HYAL4: variants seen among roughly 807,000 people sequenced by gnomAD.
HYAL4 encodes hyaluronidase 4.
A neutral mutation model predicts 35.2 loss-of-function variants in HYAL4; 37 were observed. That is an observed-to-expected ratio of 1.05 (90% CI 0.81 to 1.38). The LOEUF (loss-of-function observed/expected upper bound fraction) is 1.38, where lower values mean the gene tolerates loss of function less well. HYAL4 is among the 40% of genes most tolerant of loss of function. The probability of loss-of-function intolerance (pLI) is 0.00; values close to 1 mark genes in which losing one functional copy is unlikely to be tolerated. For synonymous variants in HYAL4, 198 were observed against 203.2 expected (o/e 0.97, Z 0.22); for missense variants, 572 against 572.4 (o/e 1.00, Z 0.01).
At chr7:123,852,117 C>G (rs1044804109) in intron 2 of HYAL4, among the ~76,000 whole-genome samples, 2 of 151,944 alleles carry the variant, frequency 1.3e-5, no homozygotes, top group African/African-American at 4.8e-5. Flanking sequence ...TTGTTAAGTT[C>G]CTTGTAGATT....
the HYAL4 span, among the ~76,000 whole-genome samples, chr7:123,767,567 A>C: frequency 4.6e-5 from 7 of 152,220 alleles, no homozygotes; most frequent in Non-Finnish European, 8.8e-5. Flanking sequence ...AAAACAAACA[A>C]GCAAAACAGG....
At chr7:123,780,437 G>C in the HYAL4 span, among the ~76,000 whole-genome samples, 2 of 152,170 alleles carry the variant, frequency 1.3e-5, no homozygotes, top group Non-Finnish European at 2.9e-5. Flanking sequence ...GTACAGAAAA[G>C]ACTGACACAT....
intron 4 of HYAL4, 83 bp downstream of exon 4, chr7:123,874,933 T>C (rs1263252553): frequency 5.1e-6 from 4 of 779,088 alleles, no homozygotes; most frequent in African/African-American, 3.4e-5. Context: ...ATGACCTCCA[T>C]AGCAAACCAG....
At chr7:123,785,287 A>G in the HYAL4 span, among the ~76,000 whole-genome samples, 2 of 152,034 alleles carry the variant, frequency 1.3e-5, no homozygotes, top group African/African-American at 2.4e-5. The surrounding 1 kb of genome is among the most constrained non-coding windows in gnomAD (Gnocchi z 4.5). Flanking sequence ...ATGTCTCCCT[A>G]TGTTGCCCAG....
chr7:123,823,742 T>TAC, the HYAL4 span, among the ~76,000 whole-genome samples: 153 of 144,388 alleles, frequency 1.1e-3, no homozygotes, highest in East Asian at 1.4e-3. Context: ...TATATATATA[T>TAC]ATACACACAC....
Position 123,869,014 on chromosome 7 carries a change from G to A in HYAL4, c.741G>A (p.Glu247=), listed in dbSNP as rs1199580238. 6.2e-7 allele frequency: 1 copy of A among 1,613,940 alleles called. No homozygotes were observed. Among genetic ancestry groups the A allele is most frequent in the East Asian group, 2.2e-5 (1 of 44,886 alleles). ...AAGACGAAGTCTTGAGGAACAATGA[G>A]CTCTCTTGGCTCTGGAACAGCAGTG... The part of the protein sequence containing the change: ...CPEDEVLRNN[E]LSWLWNSSAA... The change falls in exon 3 of 5, where the codon GAG becomes GAA. Residue 247 remains glutamate (E), a synonymous_variant. Transcript: ENST00000223026.
chr7:123,822,878 T>C, the HYAL4 span, among the ~76,000 whole-genome samples: 1 of 152,188 alleles, frequency 6.6e-6, no homozygotes, highest in African/African-American at 2.4e-5. Flanking sequence ...AGCAGGAGGA[T>C]GACTTGAACC....
intron 3 of HYAL4, 109 bp downstream of exon 3, chr7:123,869,336 T>C: frequency 1.3e-6 from 1 of 762,640 alleles, no homozygotes. Flanking sequence ...TGGTTTGTTA[T>C]ATGGGAGCAT....
chr7:123,847,965 A>G (rs1326315258), intron 1 of HYAL4, 124 bp from the exon 2 acceptor site: 1 of 152,614 alleles, frequency 6.6e-6, no homozygotes, highest in African/African-American at 2.4e-5. Flanking sequence ...AGCAATGGTC[A>G]TGTATACTAA....
the HYAL4 span, among the ~76,000 whole-genome samples, chr7:123,803,056 C>T: frequency 2.6e-5 from 4 of 152,236 alleles, no homozygotes; most frequent in Admixed American, 2.6e-4. Context: ...AGAGGCTGTA[C>T]CATCCAAGCA....
the HYAL4 span, among the ~76,000 whole-genome samples, chr7:123,767,687 C>T: frequency 1.4e-4 from 21 of 152,186 alleles, no homozygotes; most frequent in African/African-American, 4.3e-4. Context: ...AACCAATCAC[C>T]GTGGCATGAC....
At chr7:123,768,285 G>A in the HYAL4 span, among the ~76,000 whole-genome samples, 2 of 152,052 alleles carry the variant, frequency 1.3e-5, no homozygotes, top group Non-Finnish European at 2.9e-5. Context: ...CAAACAATTC[G>A]ATCTCAATAA....
the HYAL4 span, among the ~76,000 whole-genome samples, chr7:123,808,371 T>G: frequency 0.13 from 19,545 of 150,466 alleles, 1,325 homozygotes; most frequent in Non-Finnish European, 0.14. Context: ...TAGAAATGTG[T>G]ACACACACAC....
At chr7:123,833,741 C>T (rs2116908421) in intron 1 of HYAL4, among the ~76,000 whole-genome samples, 1 of 152,260 alleles carries the variant, frequency 6.6e-6, no homozygotes, top group African/African-American at 2.4e-5. Context: ...CTTGATTCTT[C>T]ATCTTGAGTT....
chr7:123,814,558 A>G, the HYAL4 span: 1 of 152,576 alleles, frequency 6.6e-6, no homozygotes, highest in African/African-American at 2.4e-5. Context: ...GGAAACCCCA[A>G]TGGGATAGAA....
the HYAL4 span, among the ~76,000 whole-genome samples, chr7:123,810,475 T>A: frequency 6.6e-6 from 1 of 152,234 alleles, no homozygotes; most frequent in Non-Finnish European, 1.5e-5. Context: ...GTGAATGCAA[T>A]TGCATCTATA....
the HYAL4 span, among the ~76,000 whole-genome samples, chr7:123,785,884 A>C: frequency 6.6e-6 from 1 of 152,202 alleles, no homozygotes; most frequent in South Asian, 2.1e-4. This position sits in a 1 kb window ranked among gnomAD's most constrained non-coding sequence, Gnocchi z 4.5. Flanking sequence ...TATCCTAGGC[A>C]AAATGTAAAT....
At chr7:123,814,683 C>G in the HYAL4 span, 1 of 152,554 alleles carries the variant, frequency 6.6e-6, no homozygotes, top group Non-Finnish European at 1.5e-5. Context: ...TTTGAAAATG[C>G]TGGAAAAAAT....
the HYAL4 span, among the ~76,000 whole-genome samples, chr7:123,795,621 G>T: frequency 1.3e-5 from 2 of 152,164 alleles, no homozygotes; most frequent in Non-Finnish European, 2.9e-5. Flanking sequence ...CTGTGAAGAA[G>T]GATGTGTTTG....
Sources: allele counts gnomAD v4.1 joint callset (sites outside exome capture counted in the v4.1 genomes callset), GRCh38; gene constraint gnomAD v4.1.1; non-coding constraint Gnocchi (gnomAD v3.1); transcripts MANE v1.5; gene names NCBI Gene and HGNC (gene_info 2026-07-23, HGNC 2026-07-21).